TNKS2: variants seen among roughly 807,000 people sequenced by gnomAD.
TNKS2 encodes poly [ADP-ribose] polymerase tankyrase-2.
Under a neutral mutation model 137.6 loss-of-function variants are expected in TNKS2, and 72 were observed. The ratio of observed to expected loss-of-function variants is 0.52; its 90% CI spans 0.43 to 0.64. The LOEUF is 0.64. Among genes scored for constraint, TNKS2 ranks in the 30% least tolerant of loss-of-function variants. TNKS2 has a pLI of 0.00. For missense variants in TNKS2, 1,049 were observed against 1,410.2 expected, an observed-to-expected ratio of 0.74 and a Z score of 4.10; for synonymous variants, 516 against 512.1, an observed-to-expected ratio of 1.01 and a Z score of -0.10.
chr10:91,809,987 C>G (rs901148985), intron 1 of TNKS2, among the ~76,000 whole-genome samples: 3 of 152,122 alleles, frequency 2.0e-5, no homozygotes, highest in African/African-American at 7.2e-5. Context: ...TTATTTTATT[C>G]AATTAATTTG....
At chr10:91,826,425 C>T (rs1415343700) in intron 7 of TNKS2, among the ~76,000 whole-genome samples, 4 of 152,046 alleles carry the variant, frequency 2.6e-5, no homozygotes, top group African/African-American at 4.8e-5. Flanking sequence ...AAATACTCCT[C>T]AACAATGAAA....
At chr10:91,837,751 T>A (rs1450374171) in intron 13 of TNKS2, among the ~76,000 whole-genome samples, 4 of 152,220 alleles carry the variant, frequency 2.6e-5, no homozygotes, top group Non-Finnish European at 5.9e-5. Flanking sequence ...TCCCAGGTAC[T>A]TGGGAGGCTG....
chr10:91,798,482 C>CGCCGCGGGGCA lies in TNKS2; in HGVS notation c.-204_-194dup, dbSNP rs1844036574. 7 of 445,778 alleles carry CGCCGCGGGGCA rather than the reference C, an allele frequency of 1.6e-5. No homozygotes were observed. Among genetic ancestry groups the CGCCGCGGGGCA allele is most frequent in the Non-Finnish European group, 2.4e-5 (7 of 292,454 alleles). The allele number at this position is 445,778 out of a possible 1,614,324, so 27.6% of individuals were successfully genotyped here. Reference sequence around the variant, plus strand: ...GACGGCGGATTCGCGCTGCCTCCGCCGCCGCGGGGCAGCCGGGGGGCAGGG... The same window carrying CGCCGCGGGGCA: ...GACGGCGGATTCGCGCTGCCTCCGCCGCCGCGGGGCAGCCGCGGGGCAGCCGGGGGGCAGGG... On this transcript the variant is annotated 5_prime_UTR_variant, in exon 1 of 27. Transcript: ENST00000371627.
chr10:91,803,827 A>G (rs1844248120), intron 1 of TNKS2, among the ~76,000 whole-genome samples: 1 of 152,154 alleles, frequency 6.6e-6, no homozygotes, highest in African/African-American at 2.4e-5. Context: ...ACCCTGTGTG[A>G]TAGCCTACCT....
chr10:91,855,464 C>A, intron 22 of TNKS2, 150 bp from the exon 23 acceptor site: 2 of 712,048 alleles, frequency 2.8e-6, no homozygotes, highest in Middle Eastern at 3.9e-4. Context: ...GGGCACCATG[C>A]CCAGCCCTCA....
intron 1 of TNKS2, among the ~76,000 whole-genome samples, chr10:91,799,851 T>G (rs1844104756): frequency 6.6e-6 from 1 of 152,238 alleles, no homozygotes; most frequent in Non-Finnish European, 1.5e-5. Flanking sequence ...GTTTTTTGTT[T>G]TGTGTATTTC....
Position 91,859,766 on chromosome 10 carries a change from A to T in TNKS2, c.3281+118A>T, listed in dbSNP as rs566768802. Reference sequence around the variant, plus strand: ...GGAATGCAAGCTAGGCATGTTTTAGATTGCTTTTGGCCCTCTCACCAATTG... The same window carrying T: ...GGAATGCAAGCTAGGCATGTTTTAGTTTGCTTTTGGCCCTCTCACCAATTG... On this transcript the variant is annotated intron_variant, in intron 25 of 26. Coordinates refer to ENST00000371627, the MANE Select transcript of TNKS2 (RefSeq NM_025235.4). 84 of 759,794 alleles carry T rather than the reference A, an allele frequency of 1.1e-4. No homozygotes were observed. The East Asian group carries it at 2.3e-3, about 20-fold the overall frequency. 47.1% of individuals were successfully genotyped at this position (759,794 alleles called of 1,614,324 possible).
At chr10:91,849,676 A>T in intron 20 of TNKS2, 82 bp downstream of exon 20, 1 of 1,085,014 alleles carries the variant, frequency 9.2e-7, no homozygotes. Flanking sequence ...AATGAGCTGA[A>T]CCATGTAAGC....
chr10:91,856,916 T>C (rs1346227434), intron 23 of TNKS2, among the ~76,000 whole-genome samples: 3 of 137,036 alleles, frequency 2.2e-5, no homozygotes, highest in African/African-American at 7.7e-5. Flanking sequence ...GAGACTGATA[T>C]CCACCTTAAA....
At chr10:91,862,528 G>A (rs865821812) in intron 26 of TNKS2, among the ~76,000 whole-genome samples, 2 of 151,900 alleles carry the variant, frequency 1.3e-5, no homozygotes, top group African/African-American at 4.8e-5. Context: ...TTCGCCAGTC[G>A]TTCCGGATTT....
chr10:91,816,686 C>CT (rs34591746), intron 2 of TNKS2, among the ~76,000 whole-genome samples: 48,119 of 147,680 alleles, frequency 0.33, 8,240 homozygotes, highest in South Asian at 0.52. Context: ...GTGTGATTTT[C>CT]TTTTTTTTTT....
At chr10:91,852,672 G>A (rs75129202) in intron 21 of TNKS2, among the ~76,000 whole-genome samples, 16,547 of 152,210 alleles carry the variant, frequency 0.11, 993 homozygotes, top group East Asian at 0.19. Context: ...ATAATTGAAC[G>A]TCCTGGCTGT....
At chr10:91,831,774 GTAAAAGATAT>G (rs1240363611) in intron 11 of TNKS2, among the ~76,000 whole-genome samples, 1 of 152,132 alleles carries the variant, frequency 6.6e-6, no homozygotes, top group Non-Finnish European at 1.5e-5. Context: ...GTACTACTCA[GTAAAAGATAT>G]ACATAGCATC....
At chr10:91,830,837 C>T in intron 9 of TNKS2, 86 bp from the exon 10 acceptor site, 2 of 1,118,984 alleles carry the variant, frequency 1.8e-6, no homozygotes, top group Non-Finnish European at 2.5e-6. Context: ...TAAATAACTA[C>T]TTGATTGTTC....
chr10:91,841,140 G>C (rs1842198975), intron 14 of TNKS2, 143 bp from the exon 15 acceptor site: 1 of 712,960 alleles, frequency 1.4e-6, no homozygotes, highest in Non-Finnish European at 2.0e-6. Flanking sequence ...ACTTATTTCT[G>C]CCTTAAATAG....
rs927418652 is a variant in TNKS2, at chr10:91,798,667, C to T, written c.-24C>T. On this transcript the variant is annotated 5_prime_UTR_variant, in exon 1 of 27. Transcript: ENST00000371627. ...CCTGCTCCGGTTGCTGGCGCTGTTG[C>T]TGGCTGTGGCGGCGGCCAGGATCAT... 8.2e-7 allele frequency: 1 copy of T among 1,222,070 alleles called. No homozygotes were observed. Among genetic ancestry groups the T allele is most frequent in the Non-Finnish European group, 1.0e-6 (1 of 979,864 alleles). 75.7% of individuals were successfully genotyped at this position (1,222,070 alleles called of 1,614,324 possible). A position where few individuals can be genotyped will look rare whatever the true frequency, so the allele number is the denominator to read the frequency against.
intron 1 of TNKS2, among the ~76,000 whole-genome samples, chr10:91,809,653 G>A (rs551419297): frequency 6.0e-5 from 9 of 151,172 alleles, no homozygotes; most frequent in Non-Finnish European, 1.2e-4. Context: ...GCTAAACAGC[G>A]GGACTCTGTC....
At chr10:91,852,428 C>T (rs544955356) in intron 21 of TNKS2, among the ~76,000 whole-genome samples, 10 of 139,554 alleles carry the variant, frequency 7.2e-5, no homozygotes, top group Middle Eastern at 4.7e-3. Context: ...GGCGTGGTGG[C>T]GGGCACCTGT....
intron 21 of TNKS2, among the ~76,000 whole-genome samples, chr10:91,854,757 G>A (rs1048928050): frequency 6.6e-6 from 1 of 151,918 alleles, no homozygotes. Context: ...TACAAAATTA[G>A]CCAGTCGTGG....
Sources: allele counts gnomAD v4.1 joint callset (sites outside exome capture counted in the v4.1 genomes callset), GRCh38; gene constraint gnomAD v4.1.1; transcripts MANE v1.5; gene names NCBI Gene and HGNC (gene_info 2026-07-23, HGNC 2026-07-21).